LAMA2: variants seen among roughly 807,000 people sequenced by gnomAD.
LAMA2 encodes the protein laminin subunit alpha 2.
A neutral mutation model predicts 364.8 loss-of-function variants in LAMA2; 269 were observed. The ratio of observed to expected loss-of-function variants is 0.74; its 90% confidence interval spans 0.67 to 0.82. The LOEUF (loss-of-function observed/expected upper bound fraction) is 0.82, where lower values mean the gene tolerates loss of function less well. LAMA2 is among the 40% of genes least tolerant of loss of function. The pLI, the probability that LAMA2 is intolerant of heterozygous loss-of-function variation, is 0.00. For missense variants in LAMA2, 3,807 were observed against 3,873.2 expected (o/e 0.98, Z 0.45); for synonymous variants, 1,379 against 1,370.6 (o/e 1.01, Z -0.14).
At chr6:129,365,504 A>G (rs1037604846) in intron 32 of LAMA2, among the ~76,000 whole-genome samples, 4 of 151,996 alleles carry the variant, frequency 2.6e-5, no homozygotes, top group Non-Finnish European at 1.5e-5. Flanking sequence ...CTGAGACTAC[A>G]GGGGCCCGCC....
chr6:129,319,079 G>T lies in LAMA2; in HGVS notation c.4059-1459G>T, dbSNP rs566577388. On this transcript the variant is annotated intron_variant, in intron 27 of 64. Transcript: ENST00000421865. The stretch of plus-strand genomic sequence containing the variant: ...AAAAGGTGAGTTAAGTTACTTGAAG[G>T]AATTATTTAATAAAGTTAAGAAAAT... Among the ~76,000 whole-genome samples the T allele has an allele frequency of 1.1e-4, 16 of 152,122 alleles. No individual in the cohort carries two copies. In the East Asian group the frequency reaches 2.5e-3, roughly 24 times the overall value.
chr6:128,955,522 A>C (rs1254806914), intron 1 of LAMA2, among the ~76,000 whole-genome samples: 2 of 151,982 alleles, frequency 1.3e-5, no homozygotes, highest in Admixed American at 1.3e-4. Context: ...AAATATGTAA[A>C]AGAACTCAAA....
At chr6:129,204,352 G>A (rs1487803028) in intron 12 of LAMA2, among the ~76,000 whole-genome samples, 1 of 152,136 alleles carries the variant, frequency 6.6e-6, no homozygotes, top group Non-Finnish European at 1.5e-5. Context: ...TTTGAGGTTT[G>A]TGCCCATCAG....
chr6:128,917,844 C>T (rs1265438103), intron 1 of LAMA2, among the ~76,000 whole-genome samples: 1 of 150,994 alleles, frequency 6.6e-6, no homozygotes, highest in Non-Finnish European at 1.5e-5. Context: ...AGTGATACTC[C>T]CACTTCAGCC....
Position 128,980,550 on chromosome 6 carries a change from G to A in LAMA2, c.113-69368G>A, listed in dbSNP as rs933168951. On this transcript the variant is annotated intron_variant, in intron 1 of 64. Coordinates refer to ENST00000421865, the MANE Select transcript of LAMA2 (RefSeq NM_000426.4). ...TCTCATGGAATAATGGGTCATATTA[G>A]GTTAAGTTTAGGAAACTGATGTTTA... is the stretch of plus-strand genomic sequence containing the variant. Among the ~76,000 whole-genome samples, 3 of 152,108 alleles carry A rather than the reference G, an allele frequency of 2.0e-5. No homozygotes were observed. The South Asian group carries it at 6.2e-4, about 31-fold the overall frequency.
chr6:129,128,466 T>G (rs577468546), intron 4 of LAMA2, among the ~76,000 whole-genome samples: 86 of 152,316 alleles, frequency 5.6e-4, no homozygotes, highest in African/African-American at 2.0e-3. Context: ...CTCATGATGA[T>G]TTTGACTGTT....
intron 12 of LAMA2, among the ~76,000 whole-genome samples, chr6:129,220,106 A>T (rs1383473415): frequency 6.6e-6 from 1 of 152,056 alleles, no homozygotes; most frequent in Non-Finnish European, 1.5e-5. Flanking sequence ...AAGTGGGAGG[A>T]TTTATAGTGG....
Position 129,297,666 on chromosome 6 carries a change from T to A in LAMA2, c.2857-19T>A. 1 of 1,612,128 alleles carries A rather than the reference T, an allele frequency of 6.2e-7. No individual in the cohort carries two copies. The highest frequency in any genetic ancestry group is 8.5e-7 in the Non-Finnish European group (1 of 1,179,238). ...TTAACTGATTTAAATTTAATTTTTC[T>A]CTCCTCTTCCATTGCCAGGCTGGGA... On this transcript the variant is annotated intron_variant, in intron 20 of 64. Transcript: ENST00000421865.
intron 22 of LAMA2, among the ~76,000 whole-genome samples, chr6:129,307,547 C>T (rs1204820632): frequency 1.3e-5 from 2 of 152,224 alleles, no homozygotes; most frequent in Non-Finnish European, 2.9e-5. Flanking sequence ...CTCTGTGTTG[C>T]AGCCTAGAAA....
chr6:128,883,801 T>TAC (rs71543146), intron 1 of LAMA2, among the ~76,000 whole-genome samples: 3,392 of 135,968 alleles, frequency 0.025, 63 homozygotes, highest in East Asian at 0.057. Context: ...TATATATATA[T>TAC]ACACACACAC....
Position 129,512,435 on chromosome 6 carries a change from T to C in LAMA2, c.8930T>C (p.Leu2977Pro). Residue 2977 changes from leucine to proline, a missense_variant, in exon 63 of 65, where the codon CTT becomes CCT. Leu to Pro is a moderately conservative substitution (Grantham distance 98). Around this residue, in one of 3 missense-constraint regions of LAMA2, gnomAD observed 3,333 missense variants for 3,345.7 expected, o/e 1.00. Coordinates refer to ENST00000421865, the MANE Select transcript of LAMA2 (RefSeq NM_000426.4). The stretch of plus-strand genomic sequence containing the variant: ...CGCACAACTACAACGACTGGAGTTC[T>C]TCTGGGGATCAGTAGTCAAAAAATG... The part of the protein sequence containing the change: ...EFRTTTTTGV[L>P]LGISSQKMDG... 6.2e-7 allele frequency: 1 copy of C among 1,613,794 alleles called. No homozygotes were observed. Among genetic ancestry groups the C allele is most frequent in the Non-Finnish European group, 8.5e-7 (1 of 1,179,694 alleles).
intron 53 of LAMA2, 51 bp downstream of exon 53, chr6:129,475,452 T>G: frequency 6.9e-7 from 1 of 1,446,176 alleles, no homozygotes; most frequent in Non-Finnish European, 9.6e-7. Flanking sequence ...GTTGGGTAAA[T>G]GTGGCTTCTT....
intron 1 of LAMA2, among the ~76,000 whole-genome samples, chr6:128,887,190 T>C (rs1776193657): frequency 6.6e-6 from 1 of 152,188 alleles, no homozygotes; most frequent in South Asian, 2.1e-4. Context: ...TTCTAAAACA[T>C]CTTGTGTTAT....
Position 129,445,686 on chromosome 6 carries a change from T to C in LAMA2, c.6294T>C (p.Thr2098=). The C allele has an allele frequency of 6.2e-7, 1 of 1,614,004 alleles. No individual in the cohort carries two copies. Among genetic ancestry groups the C allele is most frequent in the East Asian group, 2.2e-5 (1 of 44,848 alleles). ...ATGCAGTTGCCGATGCAGATGCCAC[T>C]GTCAAAAATTTAGAACAGGAAGCTG... ...KNKIIADADA[T]VKNLEQEADR... Residue 2098 remains threonine, a synonymous_variant, in exon 45 of 65, where the codon ACT becomes ACC. Coordinates refer to ENST00000421865, the MANE Select transcript of LAMA2 (RefSeq NM_000426.4).
At chr6:129,427,891 A>T in intron 41 of LAMA2, 37 bp downstream of exon 41, 1 of 1,273,884 alleles carries the variant, frequency 7.9e-7, no homozygotes, top group South Asian at 1.2e-5. Context: ...ATTCCAGTTA[A>T]TCGGGTTGTT....
intron 11 of LAMA2, among the ~76,000 whole-genome samples, chr6:129,191,013 G>C (rs1454772866): frequency 6.6e-6 from 1 of 152,200 alleles, no homozygotes; most frequent in Admixed American, 6.5e-5. Flanking sequence ...AGGAAAATGG[G>C]ACCTTCTGGG....
At chr6:129,419,784 A>G (rs910249700) in intron 40 of LAMA2, among the ~76,000 whole-genome samples, 3 of 151,678 alleles carry the variant, frequency 2.0e-5, no homozygotes, top group Admixed American at 2.0e-4. Context: ...CCCATCTACC[A>G]CCCTTAGGGT....
chr6:129,120,656 G>A (rs1246906210), intron 4 of LAMA2, among the ~76,000 whole-genome samples: 2 of 152,098 alleles, frequency 1.3e-5, no homozygotes, highest in African/African-American at 4.8e-5. Flanking sequence ...CTTAACTTCT[G>A]TCTTTAGTGC....
intron 20 of LAMA2, among the ~76,000 whole-genome samples, chr6:129,295,874 T>C (rs1773147799): frequency 6.6e-6 from 1 of 151,924 alleles, no homozygotes; most frequent in African/African-American, 2.4e-5. Flanking sequence ...GAAATAAAGA[T>C]GAATACAAAG....
Sources: gnomAD v4.1 joint callset for allele counts (sites outside exome capture counted in the v4.1 genomes callset) on GRCh38, gnomAD v4.1.1 for gene constraint, gnomAD v4.1.1 regional missense constraint, MANE v1.5 for transcripts, NCBI Gene and HGNC (gene_info 2026-07-23, HGNC 2026-07-21) for gene names.